Variants in SGSM2 observed in about 807,000 individuals in gnomAD.
SGSM2 encodes the protein RUN and TBC1 domain containing 1.
In SGSM2, 89 loss-of-function variants were observed where a neutral mutation model predicts 126.6. That is an observed-to-expected ratio of 0.70 (90% confidence interval 0.59 to 0.84). SGSM2 has a LOEUF of 0.84. Ranked by LOEUF, SGSM2 falls within the 40% of genes least tolerant of loss-of-function variation. The probability of loss-of-function intolerance (pLI) is 0.00; values close to 1 mark genes in which losing one functional copy is unlikely to be tolerated. For synonymous variants in SGSM2, 614 were observed against 574.3 expected, an observed-to-expected ratio of 1.07 and a Z score of -0.99; for missense variants, 1,404 against 1,416.6, an observed-to-expected ratio of 0.99 and a Z score of 0.14.
chr17:2,376,037 T>G, intron 18 of SGSM2, 100 bp from the exon 19 acceptor site: 1 of 1,577,302 alleles, frequency 6.3e-7, no homozygotes, highest in Admixed American at 1.7e-5. Context: ...CGCTCTGGTC[T>G]CTGGGTTCCG....
intron 12 of SGSM2, among the ~76,000 whole-genome samples, chr17:2,369,997 C>T (rs558661232): frequency 1.0e-3 from 154 of 152,298 alleles, no homozygotes; most frequent in African/African-American, 3.6e-3. Context: ...GAAGAGAGCC[C>T]CGGCCAAGGC....
At position 2,361,766 on chromosome 17, in the gene SGSM2, A is replaced by G. The variant is rs747586508; in HGVS notation, c.263A>G (p.Lys88Arg). ...TCPVAGEICH[K>R]VQELQQQAEG... The stretch of plus-strand genomic sequence containing the variant: ...CCAGTGGCGGGGGAGATTTGCCACA[A>G]GGTACAGGAGCTGCAGCAACAAGCA... Residue 88 changes from lysine (K) to arginine (R), a missense_variant, in exon 3 of 24, where the codon AAG becomes AGG. Physicochemically the swap from Lys to Arg is conservative, Grantham distance 26 (BLOSUM62 2). Transcript: ENST00000268989. 1.2e-6 allele frequency: 2 copies of G among 1,612,332 alleles called. No individual in the cohort carries two copies. Among genetic ancestry groups the G allele is most frequent in the Non-Finnish European group, 1.7e-6 (2 of 1,179,806 alleles).
At chr17:2,346,929 AAAAT>A (rs2064621658) in intron 2 of SGSM2, among the ~76,000 whole-genome samples, 1 of 152,008 alleles carries the variant, frequency 6.6e-6, no homozygotes, top group Admixed American at 6.6e-5. Context: ...TCTCTACAAA[AAAAT>A]AAATAACTCG....
intron 12 of SGSM2, among the ~76,000 whole-genome samples, chr17:2,369,624 C>T (rs1382864030): frequency 1.3e-5 from 2 of 152,172 alleles, no homozygotes; most frequent in African/African-American, 4.8e-5. Flanking sequence ...AGCATTGGCC[C>T]AGGAGACCTT....
At chr17:2,354,194 A>T (rs968029971) in intron 2 of SGSM2, among the ~76,000 whole-genome samples, 2 of 111,544 alleles carry the variant, frequency 1.8e-5, no homozygotes, top group African/African-American at 6.4e-5. Flanking sequence ...GATGTGAGCC[A>T]CTGCACCTGA....
rs1238720515 is a variant in SGSM2 at position 2,377,040 on chromosome 17, A to G, written c.2774A>G (p.His925Arg). Reference sequence around the variant, plus strand: ...CCCAACGGGGGTGCCATGGACACCCACTTTGCCAACATGCGCTCCCTCATC... The same window carrying G: ...CCCAACGGGGGTGCCATGGACACCCGCTTTGCCAACATGCGCTCCCTCATC... ...NFPNGGAMDT[H>R]FANMRSLIQI... Residue 925 changes from histidine to arginine, a missense_variant, in exon 21 of 24, where the codon CAC (histidine) becomes CGC (arginine). Coordinates refer to ENST00000268989, the MANE Select transcript of SGSM2 (RefSeq NM_014853.3). 5.6e-6 allele frequency: 9 copies of G among 1,613,550 alleles called. No homozygotes were observed. In the South Asian group the frequency reaches 7.7e-5, roughly 14 times the overall value.
At chr17:2,350,768 G>A (rs1469766101) in intron 2 of SGSM2, among the ~76,000 whole-genome samples, 1 of 152,196 alleles carries the variant, frequency 6.6e-6, no homozygotes, top group Non-Finnish European at 1.5e-5. Flanking sequence ...GGTGCAGGGA[G>A]GGAAGGCACC....
In SGSM2 at chr17:2,377,015, C is replaced by G. The variant is rs1262218180; in HGVS notation, c.2749C>G (p.Pro917Ala). 6.2e-7 allele frequency: 1 copy of G among 1,613,810 alleles called. No individual in the cohort carries two copies. ...HLMKRMSQNF[P>A]NGGAMDTHFA... The stretch of plus-strand genomic sequence containing the variant: ...CATGAAGAGGATGAGCCAGAACTTC[C>G]CCAACGGGGGTGCCATGGACACCCA... Residue 917 changes from proline to alanine, a missense_variant, in exon 21 of 24, where the codon CCC becomes GCC. Physicochemically the swap from Pro to Ala is conservative, Grantham distance 27 (BLOSUM62 -1). Transcript: ENST00000268989.
In SGSM2 at chr17:2,376,226, C is replaced by T. The variant is rs1353819123; in HGVS notation, c.2574C>T (p.Pro858=). ...RCDRNYWYFT[P]PNLERLRDVM... Reference sequence around the variant, plus strand: ...ACCGCAACTACTGGTACTTCACGCCCCCCAACCTCGAGAGGCTCAGAGACG... The same window carrying T: ...ACCGCAACTACTGGTACTTCACGCCTCCCAACCTCGAGAGGCTCAGAGACG... The change falls in exon 19 of 24, where the codon CCC becomes CCT. Residue 858 remains proline, a synonymous_variant. Coordinates refer to ENST00000268989, the MANE Select transcript of SGSM2 (RefSeq NM_014853.3). 1.2e-6 allele frequency: 2 copies of T among 1,614,038 alleles called. No individual in the cohort carries two copies. The highest frequency in any genetic ancestry group is 2.2e-5 in the East Asian group (1 of 44,870).
In SGSM2 at chr17:2,362,781, G is replaced by C. The variant is rs917854107; in HGVS notation, c.459-57G>C. The stretch of plus-strand genomic sequence containing the variant: ...GGGGATGTCCCTACCTGGTGAGCTT[G>C]ACTGCCCTGGAATGAGCCCCGGAGC... On this transcript the variant is annotated intron_variant, in intron 4 of 23. Coordinates refer to ENST00000268989, the MANE Select transcript of SGSM2 (RefSeq NM_014853.3). The surrounding 1 kb of genome is among the most constrained non-coding windows in gnomAD (Gnocchi z 4.9). 3 of 1,582,898 alleles carry C rather than the reference G, an allele frequency of 1.9e-6. No individual in the cohort carries two copies. The highest frequency in any genetic ancestry group is 4.5e-5 in the East Asian group (2 of 44,740).
chr17:2,372,424 G>C lies in SGSM2; in HGVS notation c.1724G>C (p.Arg575Pro), dbSNP rs1223034387. 1 of 1,598,926 alleles carries C rather than the reference G, an allele frequency of 6.3e-7. No individual in the cohort carries two copies. Among genetic ancestry groups the C allele is most frequent in the Non-Finnish European group, 8.5e-7 (1 of 1,175,056 alleles). ...LVHHSVIPPD[R>P]PPGASAGLTK... ...CACCATAGCGTTATCCCACCTGACC[G>C]GCCCCCGGGGGCCTCCGCGGGCCTC... is the stretch of plus-strand genomic sequence containing the variant. The change falls in exon 15 of 24, where the codon CGG (arginine) becomes CCG (proline). Residue 575 changes from arginine to proline, a missense_variant. Arg to Pro is a moderately radical substitution (Grantham distance 103). Transcript: ENST00000268989. The surrounding 1 kb of genome is among the most constrained non-coding windows in gnomAD (Gnocchi z 6.0).
At chr17:2,373,716 G>A in intron 17 of SGSM2, 1 of 585,334 alleles carries the variant, frequency 1.7e-6, no homozygotes, top group Non-Finnish European at 3.0e-6. Context: ...TAGGAATAAA[G>A]TGAGAGAGTG....
At chr17:2,342,808 C>T (rs1017887259) in intron 1 of SGSM2, among the ~76,000 whole-genome samples, 9 of 152,086 alleles carry the variant, frequency 5.9e-5, no homozygotes, top group Non-Finnish European at 1.0e-4. Flanking sequence ...GAAACCCCAT[C>T]GTTACTAAAA....
chr17:2,377,229 T>C, intron 21 of SGSM2, 161 bp downstream of exon 21: 1 of 583,462 alleles, frequency 1.7e-6, no homozygotes, highest in Non-Finnish European at 3.0e-6. Flanking sequence ...CTCAGGCCTG[T>C]CATCCCAGCA....
In SGSM2 at chr17:2,377,937, G is replaced by A. The variant is rs758704694; in HGVS notation, c.2883G>A (p.Leu961=). 4.3e-6 allele frequency: 7 copies of A among 1,610,952 alleles called. No individual in the cohort carries two copies. The highest frequency in any genetic ancestry group is 5.9e-6 in the Non-Finnish European group (7 of 1,177,318). The part of the protein sequence containing the change: ...THFYFCYRWF[L]LDFKRELLYE... ...TCTACTTCTGTTATCGCTGGTTCCTGCTGGATTTTAAGAGAGGTAAGAAGT... is the reference window on the plus strand; with the variant it reads ...TCTACTTCTGTTATCGCTGGTTCCTACTGGATTTTAAGAGAGGTAAGAAGT... Residue 961 remains leucine (L), a synonymous_variant, in exon 22 of 24, where the codon CTG becomes CTA. Transcript: ENST00000268989.
At position 2,362,087 on chromosome 17, in the gene SGSM2, G is replaced by A. The variant is rs754426684; in HGVS notation, c.297-22G>A. The A allele has an allele frequency of 6.2e-6, 10 of 1,603,408 alleles. No individual in the cohort carries two copies. In the East Asian group the frequency reaches 1.3e-4, roughly 21 times the overall value. ...TTTACCCCTAGACCACTGCACTCCT[G>A]GAGCCCTCCCCGCCTTTGCAGGAAA... On this transcript the variant is annotated intron_variant, in intron 3 of 23. Coordinates refer to ENST00000268989, the MANE Select transcript of SGSM2 (RefSeq NM_014853.3). This position sits in a 1 kb window ranked among gnomAD's most constrained non-coding sequence, Gnocchi z 4.9.
rs961084605 is a variant in SGSM2 at position 2,380,552 on chromosome 17, A to G, written c.*1032A>G. 1.8e-6 allele frequency: 1 copy of G among 567,712 alleles called. No individual in the cohort carries two copies. Among genetic ancestry groups the G allele is most frequent in the South Asian group, 2.0e-5 (1 of 49,852 alleles). The allele number at this position is 567,712 out of a possible 1,614,324, so 35.2% of individuals were successfully genotyped here. ...CTTCCACATGCTTCTCAGGATGCCA[A>G]GAGGCCTAGGAACCCAGAAACCCCC... is the stretch of plus-strand genomic sequence containing the variant. On this transcript the variant is annotated 3_prime_UTR_variant, in exon 24 of 24. Coordinates refer to ENST00000268989, the MANE Select transcript of SGSM2 (RefSeq NM_014853.3).
intron 21 of SGSM2, 36 bp downstream of exon 21, chr17:2,377,104 G>A (rs1171866734): frequency 1.5e-6 from 2 of 1,345,184 alleles, no homozygotes; most frequent in Non-Finnish European, 2.1e-6. Context: ...ATGGGAGCAG[G>A]CAGTGCTGGG....
intron 19 of SGSM2, 55 bp from the exon 20 acceptor site, chr17:2,376,678 C>T: frequency 2.5e-6 from 4 of 1,584,110 alleles, no homozygotes; most frequent in Non-Finnish European, 3.5e-6. Context: ...TCCCAGGGAT[C>T]CCGAGGGAGG....
Sources: gnomAD v4.1 joint callset for allele counts (sites outside exome capture counted in the v4.1 genomes callset) on GRCh38, gnomAD v4.1.1 for gene constraint, Gnocchi (gnomAD v3.1) non-coding constraint, MANE v1.5 for transcripts, NCBI Gene and HGNC (gene_info 2026-07-23, HGNC 2026-07-21) for gene names.